The following OTULINL variants were observed in gnomAD, a reference collection of about 807,000 sequenced individuals.
OTULINL encodes the protein inactive ubiquitin thioesterase OTULINL.
Under a neutral mutation model 43.9 loss-of-function variants are expected in OTULINL, and 42 were observed. The observed-to-expected ratio is 0.96, with a 90% confidence interval of 0.75 to 1.24. The LOEUF (loss-of-function observed/expected upper bound fraction) is 1.24. Ranked by LOEUF, OTULINL falls within the 50% of genes most tolerant of loss-of-function variation. OTULINL has a pLI of 0.00. For synonymous variants in OTULINL, 172 were observed against 153.6 expected (o/e 1.12, Z -0.88); for missense variants, 411 against 426.4 (o/e 0.96, Z 0.32).
intron 1 of OTULINL, among the ~76,000 whole-genome samples, chr5:14,590,757 C>G (rs1480455825): frequency 6.6e-6 from 1 of 152,188 alleles, no homozygotes; most frequent in Admixed American, 6.5e-5. Flanking sequence ...TACAGAAGAA[C>G]CAGCTCCTGA....
chr5:14,582,058 C>T, intron 1 of OTULINL, 100 bp downstream of exon 1: 1 of 880,162 alleles, frequency 1.1e-6, no homozygotes, highest in Non-Finnish European at 1.5e-6. Flanking sequence ...CCTCGGCGGC[C>T]ACCTTCGCTG....
chr5:14,612,789 G>T lies in OTULINL; in HGVS notation c.*2475G>T, dbSNP rs781228164. ...GCAAAAATGGAAACATAATGCCCTC[G>T]TCGTTTTTTGATTTTAGGATAAGTT... is the stretch of plus-strand genomic sequence containing the variant. On this transcript the variant is annotated 3_prime_UTR_variant, in exon 8 of 8. Transcript: ENST00000274217. The T allele has an allele frequency of 6.6e-6, 1 of 152,058 alleles. No individual in the cohort carries two copies. The highest frequency in any genetic ancestry group is 2.1e-4 in the South Asian group (1 of 4,824). The allele number at this position is 152,058 out of a possible 1,614,324, so 9.4% of individuals were successfully genotyped here.
At chr5:14,589,866 A>G (rs1384958915) in intron 1 of OTULINL, among the ~76,000 whole-genome samples, 8 of 152,086 alleles carry the variant, frequency 5.3e-5, no homozygotes, top group Non-Finnish European at 8.8e-5. Context: ...CAGGAGACTC[A>G]CTTGAACTTT....
Position 14,611,269 on chromosome 5 carries a change from T to G in OTULINL, c.*955T>G, listed in dbSNP as rs950784598. The G allele has an allele frequency of 1.3e-5, 2 of 152,088 alleles. No homozygotes were observed. Among genetic ancestry groups the G allele is most frequent in the Non-Finnish European group, 2.9e-5 (2 of 68,014 alleles). 9.4% of individuals were successfully genotyped at this position (152,088 alleles called of 1,614,324 possible). Reference sequence around the variant, plus strand: ...ATCCAATGATGCTGAAATAGGGAGATTTTTCTAGATTCTCCAGGTGGACGC... The same window carrying G: ...ATCCAATGATGCTGAAATAGGGAGAGTTTTCTAGATTCTCCAGGTGGACGC... On this transcript the variant is annotated 3_prime_UTR_variant, in exon 8 of 8. Coordinates refer to ENST00000274217, the MANE Select transcript of OTULINL (RefSeq NM_019018.3).
chr5:14,600,426 G>A (rs948753777), intron 1 of OTULINL, among the ~76,000 whole-genome samples: 7 of 152,196 alleles, frequency 4.6e-5, no homozygotes, highest in East Asian at 3.8e-4. Flanking sequence ...TGGAGGCATC[G>A]CTAGACGTCA....
chr5:14,603,581 T>A (rs1037927057), intron 5 of OTULINL, among the ~76,000 whole-genome samples: 1 of 151,800 alleles, frequency 6.6e-6, no homozygotes, highest in South Asian at 2.1e-4. Context: ...TGAGTAATGA[T>A]GTTGAGCATT....
intron 5 of OTULINL, among the ~76,000 whole-genome samples, chr5:14,606,389 A>G (rs1185513904): frequency 6.6e-6 from 1 of 152,168 alleles, no homozygotes; most frequent in African/African-American, 2.4e-5. Flanking sequence ...CAGTCAAACC[A>G]TATTAAGTGA....
At chr5:14,597,454 T>G (rs988074274) in intron 1 of OTULINL, among the ~76,000 whole-genome samples, 1 of 152,198 alleles carries the variant, frequency 6.6e-6, no homozygotes, top group Non-Finnish European at 1.5e-5. Flanking sequence ...GGGGACCATG[T>G]TGTTAGACTC....
At chr5:14,606,400 G>A (rs1357003531) in intron 5 of OTULINL, among the ~76,000 whole-genome samples, 1 of 152,114 alleles carries the variant, frequency 6.6e-6, no homozygotes, top group Non-Finnish European at 1.5e-5. Flanking sequence ...TATTAAGTGA[G>A]ACCTTGTCTT....
At chr5:14,596,625 C>G (rs1431740463) in intron 1 of OTULINL, among the ~76,000 whole-genome samples, 1 of 150,880 alleles carries the variant, frequency 6.6e-6, no homozygotes, top group Non-Finnish European at 1.5e-5. Context: ...TTCCCTAATT[C>G]AGAAGCAGGA....
chr5:14,603,407 C>T lies in OTULINL; in HGVS notation c.498+1075C>T, dbSNP rs1424891336. ...AACTTCATAAGAAACTGCCAAGCTG[C>T]GTTCCAAAGTGGCCCAGCCATTTTG... On this transcript the variant is annotated intron_variant, in intron 5 of 7. Transcript: ENST00000274217. 4.6e-5 allele frequency among the ~76,000 whole-genome samples: 7 copies of T among 152,310 alleles called. 1 individual carries two copies. In the South Asian group the frequency reaches 1.2e-3, roughly 27 times the overall value.
intron 4 of OTULINL, 79 bp from the exon 5 acceptor site, chr5:14,602,102 CCT>C: frequency 8.9e-7 from 1 of 1,124,500 alleles, no homozygotes; most frequent in South Asian, 1.9e-5. Flanking sequence ...GGGAGGAACA[CCT>C]CACTGAAAAT....
chr5:14,598,796 G>A (rs1032337376), intron 1 of OTULINL, among the ~76,000 whole-genome samples: 1 of 152,190 alleles, frequency 6.6e-6, no homozygotes, highest in Non-Finnish European at 1.5e-5. Context: ...GTAGATTTAT[G>A]TGTGCTGATA....
intron 1 of OTULINL, among the ~76,000 whole-genome samples, chr5:14,593,869 G>A (rs1759244973): frequency 6.6e-6 from 1 of 152,200 alleles, no homozygotes; most frequent in African/African-American, 2.4e-5. Context: ...TGGGGGGATG[G>A]TGCTGATAGC....
intron 1 of OTULINL, among the ~76,000 whole-genome samples, chr5:14,584,543 A>G (rs557712909): frequency 6.6e-6 from 1 of 152,242 alleles, no homozygotes; most frequent in East Asian, 1.9e-4. Context: ...GGTAATGGCT[A>G]ATGTTTTTTG....
intron 5 of OTULINL, among the ~76,000 whole-genome samples, chr5:14,602,672 G>A (rs1199165508): frequency 2.0e-5 from 3 of 152,168 alleles, no homozygotes; most frequent in Non-Finnish European, 4.4e-5. Context: ...CTGGGCTCAA[G>A]CAGTCTGTCC....
In OTULINL at chr5:14,600,791, ATTTC is replaced by A. The variant is rs558695396; in HGVS notation, c.65-170_65-167del. On this transcript the variant is annotated intron_variant, in intron 1 of 7. Coordinates refer to ENST00000274217, the MANE Select transcript of OTULINL (RefSeq NM_019018.3). ...TGGGAGAACCATAAAGAAATTAAAAATTTCTTTAATTTTTGGATTGAATTTTTAA... is the reference window on the plus strand; with the variant it reads ...TGGGAGAACCATAAAGAAATTAAAAATTTAATTTTTGGATTGAATTTTTAA... Among the ~76,000 whole-genome samples the A allele has an allele frequency of 1.7e-3, 252 of 152,322 alleles. 1 individual carries two copies. Among genetic ancestry groups the A allele is most frequent in the African/African-American group, 5.6e-3 (234 of 41,558 alleles).
intron 1 of OTULINL, among the ~76,000 whole-genome samples, chr5:14,582,349 G>T (rs1252885154): frequency 1.3e-5 from 2 of 152,058 alleles, no homozygotes; most frequent in Middle Eastern, 3.2e-3. Flanking sequence ...AGCCCGGGGC[G>T]CGTGGACCCG....
At chr5:14,604,097 C>T (rs1759433078) in intron 5 of OTULINL, among the ~76,000 whole-genome samples, 1 of 151,980 alleles carries the variant, frequency 6.6e-6, no homozygotes, top group South Asian at 2.1e-4. Flanking sequence ...TTTGGGAGGC[C>T]AAGTTGGGAG....
Sources: gnomAD v4.1 joint callset for allele counts (sites outside exome capture counted in the v4.1 genomes callset) on GRCh38, gnomAD v4.1.1 for gene constraint, MANE v1.5 for transcripts, NCBI Gene and HGNC (gene_info 2026-07-23, HGNC 2026-07-21) for gene names.